The following MN1 variants were observed in gnomAD, a reference collection of about 807,000 sequenced individuals.
MN1 encodes the protein MN1 proto-oncogene, transcriptional regulator.
MN1 carries 19 observed loss-of-function variants against 86.9 expected under a neutral mutation model. The ratio of observed to expected loss-of-function variants is 0.22; its 90% CI spans 0.15 to 0.32. The LOEUF (loss-of-function observed/expected upper bound fraction) is 0.32, where lower values mean the gene tolerates loss of function less well. Among genes scored for constraint, MN1 ranks in the 10% least tolerant of loss-of-function variants. MN1 has a pLI of 1.00. For missense variants in MN1, 1,841 were observed against 1,862.0 expected (o/e 0.99, Z 0.21); for synonymous variants, 928 against 849.6 (o/e 1.09, Z -1.60).
chr22:27,749,107 C>G lies in MN1; in HGVS notation c.*1808G>C, dbSNP rs1313403306. On this transcript the variant is annotated 3_prime_UTR_variant, in exon 2 of 2. Coordinates refer to ENST00000302326, the MANE Select transcript of MN1 (RefSeq NM_002430.3). ...CCCTCTGAAGGCGGGGTTTGCTCCT[C>G]GTCAAGACTGCCCAGGCGAGAACCG... is the stretch of plus-strand genomic sequence containing the variant. 2 of 232,026 alleles carry G rather than the reference C, an allele frequency of 8.6e-6. No individual in the cohort carries two copies. Among genetic ancestry groups the G allele is most frequent in the Non-Finnish European group, 1.7e-5 (2 of 117,338 alleles). 14.4% of individuals were successfully genotyped at this position (232,026 alleles called of 1,614,324 possible). A position where few individuals can be genotyped will look rare whatever the true frequency, so the allele number is the denominator to read the frequency against.
At chr22:27,790,548 C>G (rs953480768) in intron 1 of MN1, among the ~76,000 whole-genome samples, 1 of 152,190 alleles carries the variant, frequency 6.6e-6, no homozygotes, top group African/African-American at 2.4e-5. Context: ...CACAGAGGGT[C>G]CCTGCAGGCA....
intron 1 of MN1, among the ~76,000 whole-genome samples, chr22:27,763,856 GC>G (rs1474579512): frequency 2.0e-5 from 3 of 152,226 alleles, no homozygotes; most frequent in Non-Finnish European, 4.4e-5. Context: ...CAAAAGGCAG[GC>G]CCATGTTGTG....
chr22:27,767,307 A>G (rs45534437), intron 1 of MN1, among the ~76,000 whole-genome samples: 101 of 152,290 alleles, frequency 6.6e-4, no homozygotes, highest in African/African-American at 2.4e-3. Flanking sequence ...CTGGGTGCCA[A>G]TAATACAAGA....
chr22:27,766,808 G>C (rs1368725180), intron 1 of MN1, among the ~76,000 whole-genome samples: 3 of 152,142 alleles, frequency 2.0e-5, no homozygotes, highest in Non-Finnish European at 2.9e-5. Context: ...GCCAAAGCCA[G>C]CACCAGACCC....
chr22:27,779,269 C>T (rs1933020584), intron 1 of MN1, among the ~76,000 whole-genome samples: 2 of 152,194 alleles, frequency 1.3e-5, no homozygotes, highest in South Asian at 4.1e-4. Flanking sequence ...CAGGCGCTTC[C>T]TCCTCACTGG....
intron 1 of MN1, among the ~76,000 whole-genome samples, chr22:27,758,296 T>A (rs1358316445): frequency 2.0e-5 from 3 of 152,160 alleles, no homozygotes; most frequent in African/African-American, 7.2e-5. Context: ...TGCGGTTTTT[T>A]CTGCCTAGAG....
chr22:27,790,717 C>T (rs560561456), intron 1 of MN1, among the ~76,000 whole-genome samples: 86 of 152,130 alleles, frequency 5.7e-4, no homozygotes, highest in Non-Finnish European at 1.1e-3. Context: ...GGAGGGGGCA[C>T]TGATTCAAAG....
intron 1 of MN1, among the ~76,000 whole-genome samples, chr22:27,778,890 C>A (rs1045605336): frequency 6.6e-6 from 1 of 152,192 alleles, no homozygotes; most frequent in Non-Finnish European, 1.5e-5. Flanking sequence ...ATGCAACCTA[C>A]GAAAGCAGAA....
chr22:27,771,269 T>C (rs909484274), intron 1 of MN1, among the ~76,000 whole-genome samples: 3 of 133,842 alleles, frequency 2.2e-5, no homozygotes, highest in Non-Finnish European at 4.7e-5. Flanking sequence ...CACTCTGTCA[T>C]CCAGGCTGGA....
chr22:27,785,749 C>CA (rs1188979352), intron 1 of MN1, among the ~76,000 whole-genome samples: 1 of 109,184 alleles, frequency 9.2e-6, no homozygotes, highest in African/African-American at 2.7e-5. Flanking sequence ...CAGGTGTGCC[C>CA]CCCCCCCATG....
In MN1 at chr22:27,800,664, G is replaced by A; in HGVS notation, c.-121C>T. 1 of 1,430,654 alleles carries A rather than the reference G, an allele frequency of 7.0e-7. No individual in the cohort carries two copies. The highest frequency in any genetic ancestry group is 2.0e-5 in the Admixed American group (1 of 49,834). 88.6% of individuals were successfully genotyped at this position (1,430,654 alleles called of 1,614,324 possible). A position where few individuals can be genotyped will look rare whatever the true frequency, so the allele number is the denominator to read the frequency against. On this transcript the variant is annotated 5_prime_UTR_variant, in exon 1 of 2. Transcript: ENST00000302326. ...GCTCCGGGACGCTCAGCACCGCGGG[G>A]GCTCAGCGCGCACCTCCACCCCGCC...
At position 27,750,638 on chromosome 22, in the gene MN1, C is replaced by A; in HGVS notation, c.*277G>T. 3.2e-6 allele frequency: 1 copy of A among 312,322 alleles called. No individual in the cohort carries two copies. Among genetic ancestry groups the A allele is most frequent in the Admixed American group, 4.9e-5 (1 of 20,468 alleles). The allele number at this position is 312,322 out of a possible 1,614,324, so 19.3% of individuals were successfully genotyped here. A position where few individuals can be genotyped will look rare whatever the true frequency, so the allele number is the denominator to read the frequency against. Reference sequence around the variant, plus strand: ...AGTATCTAGAGGAAAAAGGCTTAAGCAAAAGTTTGCTAACTGCAGAAGGGT... The same window carrying A: ...AGTATCTAGAGGAAAAAGGCTTAAGAAAAAGTTTGCTAACTGCAGAAGGGT... On this transcript the variant is annotated 3_prime_UTR_variant, in exon 2 of 2. Transcript: ENST00000302326.
Position 27,799,614 on chromosome 22 carries a change from A to ATGC in MN1, c.927_929dup (p.Gln309dup), listed in dbSNP as rs747503495. 587 of 1,540,174 alleles carry ATGC rather than the reference A, an allele frequency of 3.8e-4. No homozygotes were observed. Among genetic ancestry groups the ATGC allele is most frequent in the Admixed American group, 1.2e-3 (58 of 50,226 alleles). ...CACTGAACCTCTCAAAGAACACACC[A>ATGC]TGCTGCTGCTGCTGCTGCTGGGGCT... On this transcript the variant is annotated inframe_insertion, in exon 1 of 2. Transcript: ENST00000302326.
At chr22:27,773,491 C>T (rs1459758853) in intron 1 of MN1, among the ~76,000 whole-genome samples, 1 of 152,008 alleles carries the variant, frequency 6.6e-6, no homozygotes, top group East Asian at 1.9e-4. Flanking sequence ...AGAGCCCAGG[C>T]TGGGGCCTCA....
intron 1 of MN1, among the ~76,000 whole-genome samples, chr22:27,790,559 G>A (rs1933196896): frequency 6.6e-6 from 1 of 152,220 alleles, no homozygotes; most frequent in Admixed American, 6.5e-5. Context: ...CCTGCAGGCA[G>A]GACCATGACT....
At chr22:27,752,001 C>T (rs995010536) in intron 1 of MN1, among the ~76,000 whole-genome samples, 3 of 152,138 alleles carry the variant, frequency 2.0e-5, no homozygotes, top group African/African-American at 4.8e-5. Context: ...AGGAGCCCTT[C>T]GGGACACCTG....
rs148587755 is a variant in MN1, at chr22:27,792,552, G to A, written c.3781+4211C>T. Among the ~76,000 whole-genome samples, 1,144 of 151,758 alleles carry A rather than the reference G, an allele frequency of 7.5e-3. 22 individuals are homozygous for A. The highest frequency in any genetic ancestry group is 0.025 in the African/African-American group (1,049 of 41,358). ...AGGTTGGGGTTTTATGTCAGGAGGC[G>A]GGCAAAGTAGACAGGTTTATTACAG... On this transcript the variant is annotated intron_variant, in intron 1 of 1. Coordinates refer to ENST00000302326, the MANE Select transcript of MN1 (RefSeq NM_002430.3).
At chr22:27,792,317 CATATATAT>C (rs36207111) in intron 1 of MN1, among the ~76,000 whole-genome samples, 24,114 of 114,010 alleles carry the variant, frequency 0.21, 2,438 homozygotes, top group African/African-American at 0.28. Flanking sequence ...ATAAAAATTG[CATATATAT>C]ATATATATAT....
intron 1 of MN1, among the ~76,000 whole-genome samples, chr22:27,761,386 T>C (rs2267116): frequency 6.6e-6 from 1 of 150,574 alleles, no homozygotes; most frequent in East Asian, 2.0e-4. Context: ...TTCTTCTTAT[T>C]TCTCTCTCTC....
Sources: gnomAD v4.1 joint callset for allele counts (sites outside exome capture counted in the v4.1 genomes callset) on GRCh38, gnomAD v4.1.1 for gene constraint, MANE v1.5 for transcripts, NCBI Gene and HGNC (gene_info 2026-07-23, HGNC 2026-07-21) for gene names.